The following OPCML variants were observed in gnomAD, a reference collection of about 807,000 sequenced individuals.
The protein encoded by OPCML is opioid-binding protein/cell adhesion molecule.
Under a neutral mutation model 37.8 loss-of-function variants are expected in OPCML, and 13 were observed. The ratio of observed to expected loss-of-function variants is 0.34; its 90% CI spans 0.22 to 0.55. The LOEUF (loss-of-function observed/expected upper bound fraction) is 0.55. OPCML is among the 20% of genes least tolerant of loss of function. The probability of loss-of-function intolerance (pLI) is 0.91; values close to 1 mark genes in which losing one functional copy is unlikely to be tolerated. For synonymous variants in OPCML, 176 were observed against 168.8 expected, an observed-to-expected ratio of 1.04 and a Z score of -0.33; for missense variants, 341 against 435.6, an observed-to-expected ratio of 0.78 and a Z score of 1.93.
At chr11:132,470,505 A>G (rs1433725460) in intron 4 of OPCML, among the ~76,000 whole-genome samples, 1 of 152,200 alleles carries the variant, frequency 6.6e-6, no homozygotes, top group Non-Finnish European at 1.5e-5. Context: ...GATATCTACT[A>G]GACACTCAAT....
chr11:133,430,361 G>A (rs1027977198), intron 1 of OPCML, among the ~76,000 whole-genome samples: 1 of 152,138 alleles, frequency 6.6e-6, no homozygotes, highest in Non-Finnish European at 1.5e-5. Context: ...TACAGGCAAG[G>A]TTCAACATTT....
intron 1 of OPCML, among the ~76,000 whole-genome samples, chr11:133,434,414 T>C (rs1053462113): frequency 9.2e-5 from 14 of 151,674 alleles, no homozygotes; most frequent in African/African-American, 3.2e-4. Flanking sequence ...CTCCCTCATA[T>C]TGAATATATA....
chr11:132,659,506 T>C (rs754811165), intron 2 of OPCML, among the ~76,000 whole-genome samples: 4 of 152,214 alleles, frequency 2.6e-5, no homozygotes, highest in Non-Finnish European at 4.4e-5. Flanking sequence ...CAGTCGCTTC[T>C]AGTTGTGTGG....
intron 2 of OPCML, among the ~76,000 whole-genome samples, chr11:132,761,320 T>G (rs1225808510): frequency 6.6e-6 from 1 of 151,690 alleles, no homozygotes; most frequent in African/African-American, 2.4e-5. Context: ...CTTTGTGGTG[T>G]TCTCTGTATT....
intron 2 of OPCML, among the ~76,000 whole-genome samples, chr11:132,802,464 G>T (rs552238479): frequency 1.1e-4 from 17 of 152,220 alleles, no homozygotes; most frequent in African/African-American, 3.9e-4. Flanking sequence ...ATCAACGTTG[G>T]TTCAAGACAT....
At chr11:132,645,885 T>C (rs1011627287) in intron 3 of OPCML, among the ~76,000 whole-genome samples, 82 of 152,220 alleles carry the variant, frequency 5.4e-4, no homozygotes, top group African/African-American at 2.0e-3. Flanking sequence ...ATTTCCGTCA[T>C]CGCGGAAAGG....
At chr11:133,393,982 C>A (rs1382334153) in intron 1 of OPCML, among the ~76,000 whole-genome samples, 3 of 152,208 alleles carry the variant, frequency 2.0e-5, no homozygotes, top group Admixed American at 6.5e-5. Context: ...CTCTCTTCAC[C>A]ATTCCCCCAC....
At chr11:132,594,441 T>A (rs2096489364) in intron 3 of OPCML, among the ~76,000 whole-genome samples, 1 of 152,100 alleles carries the variant, frequency 6.6e-6, no homozygotes, top group African/African-American at 2.4e-5. Context: ...AACAATGAGA[T>A]AATGGAGTAA....
rs181317196 is a variant in OPCML, at chr11:133,277,030, C to T, written c.61+255234G>A. ...TGTATCGACTCTTTTACGTTAGCCA[C>T]AAACATATTCTACTTCCTTGCATCC... On this transcript the variant is annotated intron_variant, in intron 1 of 7. Coordinates refer to ENST00000524381, the MANE Select transcript of OPCML (RefSeq NM_001012393.5). 3.9e-5 allele frequency among the ~76,000 whole-genome samples: 6 copies of T among 152,302 alleles called. No individual in the cohort carries two copies. In the East Asian group the frequency reaches 5.8e-4, roughly 15 times the overall value.
chr11:133,434,798 G>GTATATATATA (rs57835682), intron 1 of OPCML, among the ~76,000 whole-genome samples: 8 of 129,002 alleles, frequency 6.2e-5, no homozygotes, highest in East Asian at 2.3e-4. Flanking sequence ...TTATATATAT[G>GTATATATATA]TATATATATA....
intron 3 of OPCML, among the ~76,000 whole-genome samples, chr11:132,633,904 G>A (rs1940313920): frequency 6.6e-6 from 1 of 152,054 alleles, no homozygotes; most frequent in Admixed American, 6.5e-5. Context: ...TCGGGGGTGG[G>A]AGGCTGGGGG....
At chr11:132,893,565 G>A (rs534496561) in intron 2 of OPCML, among the ~76,000 whole-genome samples, 1 of 152,300 alleles carries the variant, frequency 6.6e-6, no homozygotes, top group African/African-American at 2.4e-5. Context: ...GTGCAATTCG[G>A]AGACCATCAG....
At chr11:133,265,391 C>T (rs1941626724) in intron 1 of OPCML, among the ~76,000 whole-genome samples, 3 of 152,152 alleles carry the variant, frequency 2.0e-5, no homozygotes, top group African/African-American at 7.2e-5. Context: ...CATTGATCAG[C>T]TCTGGGTGAA....
chr11:132,881,224 A>G (rs1437185696), intron 2 of OPCML, among the ~76,000 whole-genome samples: 1 of 152,240 alleles, frequency 6.6e-6, no homozygotes, highest in African/African-American at 2.4e-5. Context: ...AATGGGGAAA[A>G]CACTGGGTGA....
intron 3 of OPCML, among the ~76,000 whole-genome samples, chr11:132,564,231 C>A (rs536893308): frequency 6.6e-6 from 1 of 152,214 alleles, no homozygotes; most frequent in African/African-American, 2.4e-5. Flanking sequence ...CCAAGATACT[C>A]TCCCTCTATT....
intron 1 of OPCML, among the ~76,000 whole-genome samples, chr11:133,231,616 C>A (rs1440387502): frequency 6.6e-6 from 1 of 152,176 alleles, no homozygotes; most frequent in Non-Finnish European, 1.5e-5. Context: ...CTCCCAGCAA[C>A]ATGTTGATGA....
intron 1 of OPCML, among the ~76,000 whole-genome samples, chr11:133,216,832 G>A (rs1939603990): frequency 6.6e-6 from 1 of 152,130 alleles, no homozygotes; most frequent in Non-Finnish European, 1.5e-5. Context: ...TGGGGCATAT[G>A]TATTTATATG....
chr11:133,331,029 A>G (rs1165635902), intron 1 of OPCML, among the ~76,000 whole-genome samples: 2 of 152,236 alleles, frequency 1.3e-5, no homozygotes. Flanking sequence ...GTGTCCCTCT[A>G]TCTGCTTTCC....
chr11:132,945,725 T>C (rs1945731762), intron 1 of OPCML, among the ~76,000 whole-genome samples: 1 of 151,008 alleles, frequency 6.6e-6, no homozygotes, highest in African/African-American at 2.4e-5. Context: ...ACAAACACGT[T>C]GTACAGTTGT....
Sources: gnomAD v4.1 joint callset for allele counts (sites outside exome capture counted in the v4.1 genomes callset) on GRCh38, gnomAD v4.1.1 for gene constraint, MANE v1.5 for transcripts, NCBI Gene and HGNC (gene_info 2026-07-23, HGNC 2026-07-21) for gene names.